Variants in LRRC4C observed in about 807,000 individuals in gnomAD.
LRRC4C encodes the protein leucine rich repeat containing 4C.
In LRRC4C, 5 loss-of-function variants were observed where a neutral mutation model predicts 33.6. The ratio of observed to expected loss-of-function variants is 0.15; its 90% CI spans 0.08 to 0.31. The LOEUF (loss-of-function observed/expected upper bound fraction) is 0.31, where lower values mean the gene tolerates loss of function less well. LRRC4C is among the 10% of genes least tolerant of loss of function. The pLI is 1.00. For missense variants in LRRC4C, 560 were observed against 796.7 expected (o/e 0.70, Z 3.58); for synonymous variants, 329 against 302.0 (o/e 1.09, Z -0.93).
rs1461301545 is a variant in LRRC4C at position 40,933,692 on chromosome 11, A to T, written c.-464T>A. 1 of 152,218 alleles carries T rather than the reference A, an allele frequency of 6.6e-6. No individual in the cohort carries two copies. Among genetic ancestry groups the T allele is most frequent in the Non-Finnish European group, 1.5e-5 (1 of 68,040 alleles). 9.4% of individuals were successfully genotyped at this position (152,218 alleles called of 1,614,324 possible). On this transcript the variant is annotated 5_prime_UTR_variant, in exon 2 of 7. Coordinates refer to ENST00000528697, the MANE Select transcript of LRRC4C (RefSeq NM_001258419.2). ...TATTTGGCCCCTCTCTCATTGGGTG[A>T]CCTTGCAGCCTCGCAGTAAAGAGAA...
chr11:41,136,958 G>A (rs940940586), intron 1 of LRRC4C, among the ~76,000 whole-genome samples: 1 of 151,976 alleles, frequency 6.6e-6, no homozygotes, highest in Non-Finnish European at 1.5e-5. Context: ...GCTTAAAAGT[G>A]CCCTTTAGGC....
chr11:41,194,807 T>C (rs958853681), intron 1 of LRRC4C, among the ~76,000 whole-genome samples: 1 of 152,152 alleles, frequency 6.6e-6, no homozygotes, highest in Non-Finnish European at 1.5e-5. Context: ...ATATCATGAA[T>C]GTGTGTTGTT....
intron 3 of LRRC4C, among the ~76,000 whole-genome samples, chr11:40,569,656 A>T (rs1957903360): frequency 6.6e-6 from 1 of 152,172 alleles, no homozygotes; most frequent in East Asian, 1.9e-4. Context: ...GGGAAGTTTG[A>T]TGATTAAATG....
At chr11:41,282,464 T>C (rs377455878) in intron 1 of LRRC4C, among the ~76,000 whole-genome samples, 2 of 152,222 alleles carry the variant, frequency 1.3e-5, no homozygotes, top group African/African-American at 4.8e-5. Context: ...TTCATTATGA[T>C]GCCTGCACTA....
At chr11:40,585,969 G>A (rs369262814) in intron 3 of LRRC4C, among the ~76,000 whole-genome samples, 1 of 136,922 alleles carries the variant, frequency 7.3e-6, no homozygotes, top group African/African-American at 2.8e-5. Flanking sequence ...ATGATTTATA[G>A]TCCTTTGGGT....
rs183608028 is a variant in LRRC4C at position 40,497,798 on chromosome 11, C to A, written c.-270+150344G>T. Among the ~76,000 whole-genome samples, 5 of 152,254 alleles carry A rather than the reference C, an allele frequency of 3.3e-5. No individual in the cohort carries two copies. In the East Asian group the frequency reaches 5.8e-4, roughly 18 times the overall value. ...ATTGATATTTAGGTTCCTCCTCTTT[C>A]TGAGGTGTTTGAGAAATAAAAGCTA... On this transcript the variant is annotated intron_variant, in intron 3 of 6. Transcript: ENST00000528697.
chr11:41,204,618 G>A (rs1946525843), intron 1 of LRRC4C, among the ~76,000 whole-genome samples: 3 of 152,196 alleles, frequency 2.0e-5, no homozygotes, highest in South Asian at 4.1e-4. Flanking sequence ...CTGGCTGTCA[G>A]TAGAACTTTT....
chr11:40,962,799 G>T (rs1851065820), intron 1 of LRRC4C, among the ~76,000 whole-genome samples: 1 of 151,650 alleles, frequency 6.6e-6, no homozygotes, highest in East Asian at 1.9e-4. Context: ...AAACTTTAGG[G>T]CAGATTACCT....
chr11:40,812,488 A>T (rs1018546582), intron 2 of LRRC4C, among the ~76,000 whole-genome samples: 22 of 152,204 alleles, frequency 1.4e-4, no homozygotes, highest in Non-Finnish European at 2.9e-5. Context: ...TTGGCCCTCA[A>T]TGTAACCATT....
chr11:41,166,156 T>C (rs562005806), intron 1 of LRRC4C, among the ~76,000 whole-genome samples: 59 of 152,292 alleles, frequency 3.9e-4, no homozygotes, highest in Middle Eastern at 3.4e-3. Flanking sequence ...TGATAGTCTT[T>C]ACTAAATAAA....
chr11:40,821,387 G>A (rs563915815), intron 2 of LRRC4C, among the ~76,000 whole-genome samples: 12 of 151,578 alleles, frequency 7.9e-5, no homozygotes, highest in African/African-American at 1.4e-4. Flanking sequence ...ATCAGATTTC[G>A]GAATTTAATA....
At chr11:40,236,332 A>T (rs1307720993) in intron 5 of LRRC4C, among the ~76,000 whole-genome samples, 1 of 152,242 alleles carries the variant, frequency 6.6e-6, no homozygotes, top group Non-Finnish European at 1.5e-5. Context: ...ATTGTAATAT[A>T]GCCCTAACTA....
At chr11:41,306,661 A>G (rs192177128) in intron 1 of LRRC4C, among the ~76,000 whole-genome samples, 1 of 152,340 alleles carries the variant, frequency 6.6e-6, no homozygotes, top group Admixed American at 6.5e-5. Flanking sequence ...GTGATGAGTA[A>G]TATGAAAGAA....
intron 2 of LRRC4C, among the ~76,000 whole-genome samples, chr11:40,838,619 A>G (rs1952783977): frequency 7.9e-5 from 1 of 12,632 alleles, no homozygotes; most frequent in South Asian, 2.6e-3. Flanking sequence ...ATACACATAG[A>G]AAGAATTATT....
At chr11:41,222,704 TTATAAGCCCCA>T (rs2136396454) in intron 1 of LRRC4C, 1 of 152,080 alleles carries the variant, frequency 6.6e-6, no homozygotes, top group African/African-American at 2.4e-5. Context: ...ACCAGGCAGC[TTATAAGCCCCA>T]CATCTCAAGA....
intron 2 of LRRC4C, among the ~76,000 whole-genome samples, chr11:40,700,658 T>C (rs1296522714): frequency 6.6e-6 from 1 of 152,134 alleles, no homozygotes; most frequent in Non-Finnish European, 1.5e-5. Flanking sequence ...GAAAATCTGC[T>C]TCAAGTGCAC....
rs1054017024 is a variant in LRRC4C at position 40,899,830 on chromosome 11, G to A, written c.-407+33805C>T. On this transcript the variant is annotated intron_variant, in intron 2 of 6. Transcript: ENST00000528697. ...AAAGAACATGATATCCACTTCTCAC[G>A]CTATTGGTAATGTTTGATCATTTGG... 4.6e-5 allele frequency among the ~76,000 whole-genome samples: 7 copies of A among 152,110 alleles called. No individual in the cohort carries two copies. In the East Asian group the frequency reaches 9.6e-4, roughly 21 times the overall value.
intron 2 of LRRC4C, among the ~76,000 whole-genome samples, chr11:40,786,339 T>C (rs748636397): frequency 1.3e-5 from 2 of 152,178 alleles, no homozygotes; most frequent in Non-Finnish European, 2.9e-5. Flanking sequence ...GCTTGAGATA[T>C]GCTTGTGCAG....
At chr11:40,867,048 T>G in intron 2 of LRRC4C, among the ~76,000 whole-genome samples, 1 of 152,214 alleles carries the variant, frequency 6.6e-6, no homozygotes, top group East Asian at 1.9e-4. Flanking sequence ...TATGTTAAGA[T>G]TCTTCTGCTA....
Sources: gnomAD v4.1 joint callset for allele counts (sites outside exome capture counted in the v4.1 genomes callset) on GRCh38, gnomAD v4.1.1 for gene constraint, MANE v1.5 for transcripts, NCBI Gene and HGNC (gene_info 2026-07-23, HGNC 2026-07-21) for gene names.